Variants in PIEZO2 observed in about 807,000 individuals in gnomAD.
The protein encoded by PIEZO2 is piezo type mechanosensitive ion channel component 2.
Under a neutral mutation model 337.3 loss-of-function variants are expected in PIEZO2, and 172 were observed. The observed-to-expected ratio is 0.51, with a 90% CI of 0.45 to 0.58. The LOEUF is 0.58. PIEZO2 is among the 20% of genes least tolerant of loss of function. The pLI is 0.00. For missense variants in PIEZO2, 3,028 were observed against 3,391.3 expected, an observed-to-expected ratio of 0.89 and a Z score of 2.66; for synonymous variants, 1,251 against 1,228.5, an observed-to-expected ratio of 1.02 and a Z score of -0.38.
intron 7 of PIEZO2, among the ~76,000 whole-genome samples, chr18:10,810,332 G>T (rs2040150250): frequency 6.6e-6 from 1 of 152,148 alleles, no homozygotes; most frequent in Admixed American, 6.5e-5. Flanking sequence ...CTCCCACTTT[G>T]GAACCTGGTC....
At position 11,104,976 on chromosome 18, in the gene PIEZO2, G is replaced by A. The variant is rs78443940; in HGVS notation, c.65-38754C>T. Among the ~76,000 whole-genome samples, 1,214 of 152,164 alleles carry A rather than the reference G, an allele frequency of 8.0e-3. 17 individuals carry two copies. The highest frequency in any genetic ancestry group is 0.027 in the African/African-American group (1,138 of 41,504). On this transcript the variant is annotated intron_variant, in intron 1 of 55. Coordinates refer to ENST00000674853, the MANE Select transcript of PIEZO2 (RefSeq NM_001378183.1). The surrounding 1 kb of genome is among the most constrained non-coding windows in gnomAD (Gnocchi z 4.6). ...GCGTGTCCTCTCTGGGACTTTCGCT[G>A]GAGCTAATGGAAAAGAGATACTTTT...
intron 2 of PIEZO2, among the ~76,000 whole-genome samples, chr18:10,983,861 G>C (rs1041796294): frequency 6.6e-6 from 1 of 152,136 alleles, no homozygotes; most frequent in Non-Finnish European, 1.5e-5. Context: ...GGTATACAAC[G>C]TTCAGTACTT....
intron 4 of PIEZO2, among the ~76,000 whole-genome samples, chr18:10,879,356 T>C (rs2042350169): frequency 6.6e-6 from 1 of 151,904 alleles, no homozygotes; most frequent in Admixed American, 6.6e-5. Context: ...TCAAACTTCA[T>C]GTTCTCTCGA....
At chr18:11,054,631 A>C (rs2145865702) in intron 2 of PIEZO2, among the ~76,000 whole-genome samples, 2 of 152,356 alleles carry the variant, frequency 1.3e-5, no homozygotes, top group Middle Eastern at 6.8e-3. Flanking sequence ...TTACAGTGAG[A>C]TGCTCCTAAA....
Position 10,714,169 on chromosome 18 carries a change from G to A in PIEZO2, c.5423+595C>T, listed in dbSNP as rs747930151. 5.3e-4 allele frequency among the ~76,000 whole-genome samples: 81 copies of A among 152,214 alleles called. No homozygotes were observed. In the Middle Eastern group the frequency reaches 0.014, roughly 26 times the overall value. On this transcript the variant is annotated intron_variant, in intron 39 of 55. Coordinates refer to ENST00000674853, the MANE Select transcript of PIEZO2 (RefSeq NM_001378183.1). ...CAGGGATAATAATAGCATGCATCTC[G>A]TAGGGTCTTAGAGGATAAAATGAGG...
At chr18:11,136,586 T>C (rs1568405982) in intron 1 of PIEZO2, among the ~76,000 whole-genome samples, 1 of 152,254 alleles carries the variant, frequency 6.6e-6, no homozygotes, top group African/African-American at 2.4e-5. Context: ...TAACTAAGCA[T>C]GAGCAAGCTC....
chr18:11,103,726 G>A (rs2039480395), intron 1 of PIEZO2, among the ~76,000 whole-genome samples: 1 of 152,108 alleles, frequency 6.6e-6, no homozygotes, highest in Non-Finnish European at 1.5e-5. Flanking sequence ...GAAAAGCAAA[G>A]TGTAAGTTTC....
At chr18:10,762,363 G>C in intron 23 of PIEZO2, 137 bp downstream of exon 23, 5 of 1,084,472 alleles carry the variant, frequency 4.6e-6, no homozygotes, top group Non-Finnish European at 6.4e-6. Context: ...CTTAGAGTTT[G>C]TTGCAAAGGT....
At chr18:10,807,064 T>C (rs1357801766) in intron 8 of PIEZO2, 48 bp downstream of exon 8, 1 of 1,484,472 alleles carries the variant, frequency 6.7e-7, no homozygotes, top group Non-Finnish European at 9.1e-7. Flanking sequence ...CACGTGGAGA[T>C]TCTAGGTTAC....
At chr18:10,709,348 T>C (rs2035722890) in intron 39 of PIEZO2, 1 of 152,234 alleles carries the variant, frequency 6.6e-6, no homozygotes, top group Non-Finnish European at 1.5e-5. Context: ...GACACACGCA[T>C]AGTTTCAGTT....
chr18:10,672,527 G>C lies in PIEZO2; in HGVS notation c.8345+163C>G, dbSNP rs1157713482. Among the ~76,000 whole-genome samples the C allele has an allele frequency of 6.6e-6, 1 of 152,098 alleles. No homozygotes were observed. The highest frequency in any genetic ancestry group is 2.1e-4 in the South Asian group (1 of 4,816). ...GGAGTTTTGATCTCTTTGGGACTCT[G>C]GTGCCTCATTTTTTGAAATAAAATG... On this transcript the variant is annotated intron_variant, in intron 55 of 55. Coordinates refer to ENST00000674853, the MANE Select transcript of PIEZO2 (RefSeq NM_001378183.1). The surrounding 1 kb of genome is among the most constrained non-coding windows in gnomAD (Gnocchi z 4.7).
chr18:10,761,539 G>T (rs1296801832), intron 23 of PIEZO2, among the ~76,000 whole-genome samples: 1 of 152,120 alleles, frequency 6.6e-6, no homozygotes, highest in Non-Finnish European at 1.5e-5. Context: ...CTGAAATCTG[G>T]CTACAGACAG....
At position 11,116,839 on chromosome 18, in the gene PIEZO2, T is replaced by C. The variant is rs951681550; in HGVS notation, c.64+31686A>G. Among the ~76,000 whole-genome samples the C allele has an allele frequency of 1.3e-5, 2 of 152,198 alleles. No homozygotes were observed. Among genetic ancestry groups the C allele is most frequent in the African/African-American group, 4.8e-5 (2 of 41,440 alleles). On this transcript the variant is annotated intron_variant, in intron 1 of 55. Coordinates refer to ENST00000674853, the MANE Select transcript of PIEZO2 (RefSeq NM_001378183.1). This position sits in a 1 kb window ranked among gnomAD's most constrained non-coding sequence, Gnocchi z 5.0. ...TATTGTGTATTTCAGCCAGGCACGG[T>C]GGCTCACACCTGTAATCCCAGCACT...
Position 10,794,772 on chromosome 18 carries a change from T to C in PIEZO2, c.1758A>G (p.Lys586=). 1 of 1,522,506 alleles carries C rather than the reference T, an allele frequency of 6.6e-7. No homozygotes were observed. The highest frequency in any genetic ancestry group is 8.8e-7 in the Non-Finnish European group (1 of 1,136,658). The allele number at this position is 1,522,506 out of a possible 1,614,324, so 94.3% of individuals were successfully genotyped here. The change falls in exon 13 of 56, where the codon AAA becomes AAG. Residue 586 remains lysine, a splice_region_variant and synonymous_variant. Coordinates refer to ENST00000674853, the MANE Select transcript of PIEZO2 (RefSeq NM_001378183.1). The surrounding 1 kb of genome is among the most constrained non-coding windows in gnomAD (Gnocchi z 6.6). ...GTTTTATTGTATTCTATTCACTTACTTTGGAAGCAAGTTCTCCTGGCTCTT... is the reference window on the plus strand; with the variant it reads ...GTTTTATTGTATTCTATTCACTTACCTTGGAAGCAAGTTCTCCTGGCTCTT... ...EKKEPGELAS[K]ILFTITFWLL...
At chr18:11,103,545 G>A (rs895799748) in intron 1 of PIEZO2, among the ~76,000 whole-genome samples, 1 of 152,124 alleles carries the variant, frequency 6.6e-6, no homozygotes, top group African/African-American at 2.4e-5. Flanking sequence ...AATACATACT[G>A]GAAAATGAAA....
intron 3 of PIEZO2, among the ~76,000 whole-genome samples, chr18:10,915,755 G>A (rs1044174914): frequency 2.6e-5 from 4 of 152,220 alleles, no homozygotes; most frequent in East Asian, 1.9e-4. Context: ...CCATTGGATC[G>A]TCTCATCTTG....
At chr18:10,705,026 C>G (rs1177541877) in intron 41 of PIEZO2, among the ~76,000 whole-genome samples, 1 of 152,166 alleles carries the variant, frequency 6.6e-6, no homozygotes, top group African/African-American at 2.4e-5. Context: ...TACTGATTTT[C>G]ATTTAGCACC....
intron 42 of PIEZO2, 52 bp downstream of exon 42, chr18:10,704,342 C>G (rs907517227): frequency 1.3e-6 from 2 of 1,521,148 alleles, no homozygotes; most frequent in Non-Finnish European, 1.8e-6. Context: ...AGGTATGCTT[C>G]CCCTTGCATA....
chr18:10,895,582 G>A lies in PIEZO2; in HGVS notation c.329+15604C>T, dbSNP rs2042876602. ...CGTTTGTTGGGGTACCTGTGCAGCA[G>A]TAGCAGTGCCGTGTGGGGTTGGTGA... On this transcript the variant is annotated intron_variant, in intron 4 of 55. Transcript: ENST00000674853. The surrounding 1 kb of genome is among the most constrained non-coding windows in gnomAD (Gnocchi z 4.8). Among the ~76,000 whole-genome samples, 1 of 152,204 alleles carries A rather than the reference G, an allele frequency of 6.6e-6. No individual in the cohort carries two copies. The highest frequency in any genetic ancestry group is 1.5e-5 in the Non-Finnish European group (1 of 68,048).
Sources: allele counts gnomAD v4.1 joint callset (sites outside exome capture counted in the v4.1 genomes callset), GRCh38; gene constraint gnomAD v4.1.1; non-coding constraint Gnocchi (gnomAD v3.1); transcripts MANE v1.5; gene names NCBI Gene and HGNC (gene_info 2026-07-23, HGNC 2026-07-21).